AP3D1: variants seen among roughly 807,000 people sequenced by gnomAD.
The protein encoded by AP3D1 is adaptor related protein complex 3 subunit delta 1, also known as AP-3 complex subunit delta-1.
Under a neutral mutation model 147.6 loss-of-function variants are expected in AP3D1, and 51 were observed. The ratio of observed to expected loss-of-function variants is 0.35; its 90% CI spans 0.28 to 0.44. AP3D1 has a LOEUF of 0.44. Among genes scored for constraint, AP3D1 ranks in the 20% least tolerant of loss-of-function variants. The pLI, the probability that AP3D1 is intolerant of heterozygous loss-of-function variation, is 1.00. For missense variants in AP3D1, 1,421 were observed against 1,624.2 expected (o/e 0.87, Z 2.15); for synonymous variants, 760 against 663.0 (o/e 1.15, Z -2.25).
In AP3D1 at chr19:2,129,475, C is replaced by G. The variant is rs758288; in HGVS notation, c.593-18G>C. ...CTGAACCCCTGGGGAACAAGGGGTT[C>G]TCATCAGCATGCCTGTCCTTCCACC... On this transcript the variant is annotated intron_variant, in intron 6 of 31. Coordinates refer to ENST00000643116, the MANE Select transcript of AP3D1 (RefSeq NM_001261826.3). 0.39 allele frequency: 619,894 copies of G among 1,609,102 alleles called. 125,146 individuals carry two copies. Among genetic ancestry groups the G allele is most frequent in the Non-Finnish European group, 0.42 (498,950 of 1,176,936 alleles).
intron 31 of AP3D1, among the ~76,000 whole-genome samples, chr19:2,105,129 G>A (rs184673673): frequency 3.6e-4 from 55 of 152,316 alleles, no homozygotes; most frequent in African/African-American, 1.2e-3. Context: ...CAGCTAGGAC[G>A]AGGCAGACTG....
At chr19:2,131,725 GCGGGGACCGCGCCCA>G (rs2018953757) in intron 5 of AP3D1, among the ~76,000 whole-genome samples, 1 of 25,868 alleles carries the variant, frequency 3.9e-5, no homozygotes, top group Non-Finnish European at 6.4e-5. Flanking sequence ...AGGCAGCCAC[GCGGGGACCGCGCCCA>G]TCGGCCACGA....
chr19:2,156,070 AAAAAG>A (rs2144597002), upstream of AP3D1, among the ~76,000 whole-genome samples: 1 of 152,098 alleles, frequency 6.6e-6, no homozygotes, highest in Non-Finnish European at 1.5e-5. Context: ...AAAAAAAAGA[AAAAAG>A]AAAAAGGAAG....
At chr19:2,162,209 T>TC (rs1311775345) in intron 1 of AP3D1, among the ~76,000 whole-genome samples, 3 of 150,870 alleles carry the variant, frequency 2.0e-5, no homozygotes, top group Non-Finnish European at 4.4e-5. Context: ...GCTAATTTTT[T>TC]GTATTTTTAG....
rs1343696395 is a variant in AP3D1, at chr19:2,101,066, A to T, written c.*1107T>A. The T allele has an allele frequency of 6.6e-6, 1 of 152,564 alleles. No homozygotes were observed. The highest frequency in any genetic ancestry group is 2.4e-5 in the African/African-American group (1 of 41,440). The allele number at this position is 152,564 out of a possible 1,614,324, so 9.5% of individuals were successfully genotyped here. On this transcript the variant is annotated 3_prime_UTR_variant, in exon 32 of 32. Coordinates refer to ENST00000643116, the MANE Select transcript of AP3D1 (RefSeq NM_001261826.3). ...AGCAGCGTGATATGTCTCTCTCTTTATACGGGAATGTCGATAGCAAATAAA... is the reference window on the plus strand; with the variant it reads ...AGCAGCGTGATATGTCTCTCTCTTTTTACGGGAATGTCGATAGCAAATAAA...
At position 2,110,774 on chromosome 19, in the gene AP3D1, G is replaced by T. The variant is rs751860280; in HGVS notation, c.3108C>A (p.Ala1036=). The T allele has an allele frequency of 2.5e-6, 4 of 1,612,966 alleles. No homozygotes were observed. Among genetic ancestry groups the T allele is most frequent in the Middle Eastern group, 1.8e-4 (1 of 5,654 alleles). Residue 1036 remains alanine, a synonymous_variant, in exon 27 of 32, where the codon GCC becomes GCA. Transcript: ENST00000643116. ...AGGAGCCCTGCGGCCGGGCCATCCT[G>T]GCATTGAGTGAGTCCAGCACGCTGA... ...MELSVLDSLN[A]RMARPQGSSV... is the part of the protein sequence containing the mutation.
chr19:2,118,218 C>T (rs2018511982), intron 15 of AP3D1, among the ~76,000 whole-genome samples: 1 of 152,154 alleles, frequency 6.6e-6, no homozygotes, highest in African/African-American at 2.4e-5. Context: ...AAGTGGTGGG[C>T]ACCGCCTGGC....
At position 2,163,846 on chromosome 19, in the gene AP3D1, G is replaced by C. The variant is rs564758415; in HGVS notation, c.-103+510C>G. On this transcript the variant is annotated intron_variant, in intron 1 of 14. Transcript: ENST00000643010. ...CCGAGGGGGTGGCGCGCGCGGGTCG[G>C]CCCGCTGGGCGGCGGGCACGCGCCG... 3.8e-3 allele frequency among the ~76,000 whole-genome samples: 569 copies of C among 150,440 alleles called. 3 individuals carry two copies. The highest frequency in any genetic ancestry group is 0.013 in the African/African-American group (534 of 41,346).
upstream of AP3D1, among the ~76,000 whole-genome samples, chr19:2,153,384 T>G (rs939594278): frequency 9.2e-3 from 815 of 88,264 alleles, no homozygotes; most frequent in Middle Eastern, 0.024. Context: ...AAAAAAGAAG[T>G]GGGGGGGGGG....
chr19:2,109,527 C>T, intron 29 of AP3D1: 2 of 486,306 alleles, frequency 4.1e-6, no homozygotes, highest in Non-Finnish European at 3.7e-6. Flanking sequence ...CAGAGGACGG[C>T]CTGTGAGGAC....
At position 2,101,033 on chromosome 19, in the gene AP3D1, A is replaced by G. The variant is rs1218219463; in HGVS notation, c.*1140T>C. 4.6e-5 allele frequency: 7 copies of G among 152,628 alleles called. No individual in the cohort carries two copies. In the East Asian group the frequency reaches 9.6e-4, roughly 21 times the overall value. 9.5% of individuals were successfully genotyped at this position (152,628 alleles called of 1,614,324 possible). A position where few individuals can be genotyped will look rare whatever the true frequency, so the allele number is the denominator to read the frequency against. ...CTTTATTGGATCATCTTGACACAAAATCATGACAGCAGCGTGATATGTCTC... is the reference window on the plus strand; with the variant it reads ...CTTTATTGGATCATCTTGACACAAAGTCATGACAGCAGCGTGATATGTCTC... On this transcript the variant is annotated 3_prime_UTR_variant, in exon 32 of 32. Transcript: ENST00000643116.
chr19:2,115,739 C>T (rs2018428092), intron 18 of AP3D1, 126 bp from the exon 19 acceptor site: 1 of 1,029,588 alleles, frequency 9.7e-7, no homozygotes, highest in South Asian at 1.6e-5. Flanking sequence ...CTGCCAGAGC[C>T]CTGGGCCGCG....
At chr19:2,144,524 G>A (rs1027910911) in intron 1 of AP3D1, among the ~76,000 whole-genome samples, 1 of 152,170 alleles carries the variant, frequency 6.6e-6, no homozygotes, top group African/African-American at 2.4e-5. Context: ...GCCTAGTCCA[G>A]CCCCAGCCCG....
Position 2,132,583 on chromosome 19 carries a change from A to G in AP3D1, c.355-5T>C, listed in dbSNP as rs1216424448. On this transcript the variant is annotated splice_polypyrimidine_tract_variant and splice_region_variant and intron_variant, in intron 4 of 31. Transcript: ENST00000643116. ...CTGGCTGGGGCTGCTCAAGTCCTGG[A>G]AAGTGAGAGAAAGGGGCCGTGGCCA... The G allele has an allele frequency of 1.3e-5, 21 of 1,595,936 alleles. No individual in the cohort carries two copies. Among genetic ancestry groups the G allele is most frequent in the South Asian group, 2.2e-5 (2 of 90,706 alleles).
At position 2,118,473 on chromosome 19, in the gene AP3D1, G is replaced by C. The variant is rs567122960; in HGVS notation, c.1713+128C>G. On this transcript the variant is annotated intron_variant, in intron 15 of 31. Coordinates refer to ENST00000643116, the MANE Select transcript of AP3D1 (RefSeq NM_001261826.3). The stretch of plus-strand genomic sequence containing the variant: ...ACCCCAAACCCCAGCTGGCACAAGT[G>C]GCAACAAAAGAATCTCAGTGAGTGG... 2.8e-5 allele frequency: 26 copies of C among 916,312 alleles called. 1 individual carries two copies. In the East Asian group the frequency reaches 5.3e-4, roughly 19 times the overall value. 56.8% of individuals were successfully genotyped at this position (916,312 alleles called of 1,614,324 possible).
Position 2,113,342 on chromosome 19 carries a change from T to C in AP3D1, c.2673A>G (p.Pro891=). 3.4e-6 allele frequency: 2 copies of C among 588,214 alleles called. No homozygotes were observed. Among genetic ancestry groups the C allele is most frequent in the African/African-American group, 4.9e-5 (1 of 20,590 alleles). The allele number at this position is 588,214 out of a possible 1,614,324, so 36.4% of individuals were successfully genotyped here. A position where few individuals can be genotyped will look rare whatever the true frequency, so the allele number is the denominator to read the frequency against. Residue 891 remains proline (P), a synonymous_variant, in exon 23 of 32, where the codon CCA becomes CCG. Transcript: ENST00000643116. ...PAPAPAPAPV[P]STGELSVNTV... ...CCAGCTGCCAGTCTCTTACCGTGGATGGAACGGGGGCGGGGGCGGGGGCGG... is the reference window on the plus strand; with the variant it reads ...CCAGCTGCCAGTCTCTTACCGTGGACGGAACGGGGGCGGGGGCGGGGGCGG...
intron 11 of AP3D1, among the ~76,000 whole-genome samples, chr19:2,123,117 T>C (rs1033679168): frequency 6.6e-6 from 1 of 152,204 alleles, no homozygotes; most frequent in South Asian, 2.1e-4. Flanking sequence ...GCCCCCTGCA[T>C]CTCCCCTGGG....
intron 5 of AP3D1, 121 bp downstream of exon 5, chr19:2,132,350 C>G: frequency 1.3e-6 from 1 of 793,408 alleles, no homozygotes. Flanking sequence ...CCATTTCAGG[C>G]AGGCCACGCA....
chr19:2,139,265 C>T (rs1039112555), intron 1 of AP3D1, among the ~76,000 whole-genome samples: 2 of 151,982 alleles, frequency 1.3e-5, no homozygotes, highest in Admixed American at 6.6e-5. Flanking sequence ...GTGGTGGTGG[C>T]GCACAGCATT....
Sources: gnomAD v4.1 joint callset for allele counts (sites outside exome capture counted in the v4.1 genomes callset) on GRCh38, gnomAD v4.1.1 for gene constraint, MANE v1.5 for transcripts, NCBI Gene and HGNC (gene_info 2026-07-23, HGNC 2026-07-21) for gene names.